FGD3: variants seen among roughly 807,000 people sequenced by gnomAD.
The protein encoded by FGD3 is FYVE, RhoGEF and PH domain-containing protein 3.
Under a neutral mutation model 71.8 loss-of-function variants are expected in FGD3, and 45 were observed. The ratio of observed to expected loss-of-function variants is 0.63; its 90% confidence interval spans 0.49 to 0.80. The LOEUF is 0.80. Ranked by LOEUF, FGD3 falls within the 30% of genes least tolerant of loss-of-function variation. FGD3 has a pLI of 0.00. For missense variants in FGD3, 844 were observed against 951.5 expected (o/e 0.89, Z 1.49); for synonymous variants, 378 against 392.8 (o/e 0.96, Z 0.44).
chr9:92,970,039 G>A (rs993665769), intron 1 of FGD3, among the ~76,000 whole-genome samples: 6 of 152,282 alleles, frequency 3.9e-5, no homozygotes, highest in African/African-American at 1.4e-4. Flanking sequence ...GCGGCTCAGG[G>A]CTTCTTAAAG....
At position 93,013,385 on chromosome 9, in the gene FGD3, A is replaced by G; in HGVS notation, c.1036-467A>G. On this transcript the variant is annotated intron_variant, in intron 8 of 17. Transcript: ENST00000375482. ...CTGGCGTCTGGCTCAGAGCTGAAGC[A>G]TGAGCTTTGACGCTGTCCCATCGCA... Among the ~76,000 whole-genome samples, 2 of 152,190 alleles carry G rather than the reference A, an allele frequency of 1.3e-5. 1 individual carries two copies. Among genetic ancestry groups the G allele is most frequent in the East Asian group, 3.9e-4 (2 of 5,188 alleles).
In FGD3 at chr9:93,015,955, A is replaced by G. The variant is rs1209692557; in HGVS notation, c.1275+126A>G. On this transcript the variant is annotated intron_variant, in intron 10 of 17. Transcript: ENST00000375482. Reference sequence around the variant, plus strand: ...GCCTGGCACCCCTACCTGCTTTTCCAAGCCATAGACCCTATCTGTGACCAA... The same window carrying G: ...GCCTGGCACCCCTACCTGCTTTTCCGAGCCATAGACCCTATCTGTGACCAA... The G allele has an allele frequency of 1.1e-5, 9 of 794,744 alleles. No homozygotes were observed. The African/African-American group carries it at 1.2e-4, about 11-fold the overall frequency. The allele number at this position is 794,744 out of a possible 1,614,324, so 49.2% of individuals were successfully genotyped here.
At chr9:92,987,156 T>C (rs1008601419) in intron 3 of FGD3, among the ~76,000 whole-genome samples, 1 of 152,048 alleles carries the variant, frequency 6.6e-6, no homozygotes, top group African/African-American at 2.4e-5. Flanking sequence ...GAGGAGGCTG[T>C]GTGCAGTGGC....
At chr9:92,982,873 G>T (rs1860049500) in intron 3 of FGD3, among the ~76,000 whole-genome samples, 1 of 151,874 alleles carries the variant, frequency 6.6e-6, no homozygotes, top group Non-Finnish European at 1.5e-5. Context: ...ATCACCTGAG[G>T]TCAGGAGTTC....
At chr9:93,031,035 T>C (rs938320896) in intron 15 of FGD3, among the ~76,000 whole-genome samples, 3 of 151,078 alleles carry the variant, frequency 2.0e-5, no homozygotes, top group Non-Finnish European at 3.0e-5. Flanking sequence ...GTTGGATGGA[T>C]GGATGAATGA....
rs148627611 is a variant in FGD3 at position 93,019,139 on chromosome 9, C to T, written c.1356-692C>T. 3.0e-3 allele frequency among the ~76,000 whole-genome samples: 456 copies of T among 152,268 alleles called. 1 individual carries two copies. Among genetic ancestry groups the T allele is most frequent in the African/African-American group, 0.011 (437 of 41,550 alleles). On this transcript the variant is annotated intron_variant, in intron 11 of 17. Transcript: ENST00000375482. ...TGCTGGGATTACAGGTGTGAGCCAC[C>T]GTGCCCAGCCCCTTCTAGGATTTTC...
At chr9:93,018,704 A>T (rs922742657) in intron 11 of FGD3, among the ~76,000 whole-genome samples, 2 of 152,196 alleles carry the variant, frequency 1.3e-5, no homozygotes, top group African/African-American at 4.8e-5. Context: ...TAAGACCAGA[A>T]GGGTCAATTT....
At chr9:93,022,947 C>T (rs1001643572) in intron 14 of FGD3, among the ~76,000 whole-genome samples, 3 of 152,124 alleles carry the variant, frequency 2.0e-5, no homozygotes, top group East Asian at 1.9e-4. Flanking sequence ...TGTGTCCACG[C>T]GCCCGCCTGC....
At chr9:93,026,240 G>A (rs1029314842) in intron 14 of FGD3, among the ~76,000 whole-genome samples, 2 of 152,286 alleles carry the variant, frequency 1.3e-5, no homozygotes, top group Non-Finnish European at 2.9e-5. Flanking sequence ...GAAGTCACTC[G>A]GTCAGATACT....
chr9:92,955,056 A>G (rs1859025483), intron 1 of FGD3, among the ~76,000 whole-genome samples: 1 of 152,066 alleles, frequency 6.6e-6, no homozygotes, highest in Non-Finnish European at 1.5e-5. Context: ...GTGGCCAAGG[A>G]GCAGAGGGAA....
Position 93,004,021 on chromosome 9 carries a change from G to A in FGD3, c.564G>A (p.Thr188=), listed in dbSNP as rs1389323889. 2.5e-6 allele frequency: 4 copies of A among 1,614,136 alleles called. No individual in the cohort carries two copies. Among genetic ancestry groups the A allele is most frequent in the African/African-American group, 1.3e-5 (1 of 75,032 alleles). The part of the protein sequence containing the change: ...LLDQVFCTRL[T]DAGIPPEVIM... ...CTCAGGTTTTCTGCACCAGGCTGAC[G>A]GATGCGGGGATCCCTCCAGAAGTCA... Residue 188 remains threonine, a synonymous_variant, in exon 5 of 18, where the codon ACG becomes ACA. Transcript: ENST00000375482.
intron 1 of FGD3, among the ~76,000 whole-genome samples, chr9:92,954,994 T>C (rs1012366972): frequency 6.6e-6 from 1 of 152,188 alleles, no homozygotes; most frequent in African/African-American, 2.4e-5. Flanking sequence ...GGTGTCTATG[T>C]GTCCGAGAGC....
Position 93,022,351 on chromosome 9 carries a change from C to T in FGD3, c.1519C>T (p.Pro507Ser), listed in dbSNP as rs1861953465. Residue 507 changes from proline to serine, a missense_variant, in exon 14 of 18, where the codon CCT becomes TCT. Physicochemically the swap from Pro to Ser is moderately conservative, Grantham distance 74. Coordinates refer to ENST00000375482, the MANE Select transcript of FGD3 (RefSeq NM_001083536.2). ...MPITSTSPVE[P>S]VVTTEGSSGA... ...GATCACGAGCACCAGCCCTGTGGAG[C>T]CTGTGGTGACCACCGAAGGCAGTTC... The T allele has an allele frequency of 1.2e-6, 2 of 1,612,500 alleles. No homozygotes were observed. Among genetic ancestry groups the T allele is most frequent in the East Asian group, 4.5e-5 (2 of 44,870 alleles).
intron 6 of FGD3, among the ~76,000 whole-genome samples, chr9:93,006,974 T>G (rs1200899106): frequency 6.6e-6 from 1 of 151,718 alleles, no homozygotes; most frequent in East Asian, 2.0e-4. Flanking sequence ...TGATCCGCCC[T>G]CCTTGGCCTC....
intron 8 of FGD3, 138 bp from the exon 9 acceptor site, chr9:93,013,713 GT>G: frequency 9.7e-7 from 1 of 1,035,426 alleles, no homozygotes; most frequent in Non-Finnish European, 1.4e-6. Context: ...ACATCACTCT[GT>G]TTTCCCTCCC....
intron 3 of FGD3, among the ~76,000 whole-genome samples, chr9:93,000,755 G>C (rs1046266738): frequency 2.0e-5 from 3 of 152,082 alleles, no homozygotes; most frequent in African/African-American, 4.8e-5. Flanking sequence ...ATTATAATAT[G>C]TCTTGGTATG....
At chr9:92,963,017 C>T (rs927695201) in intron 1 of FGD3, among the ~76,000 whole-genome samples, 10 of 152,176 alleles carry the variant, frequency 6.6e-5, no homozygotes, top group Non-Finnish European at 1.3e-4. Context: ...CGTCCGAGCT[C>T]AGGTGACACT....
At chr9:92,977,774 T>G (rs1005819628) in intron 3 of FGD3, among the ~76,000 whole-genome samples, 13 of 152,110 alleles carry the variant, frequency 8.5e-5, no homozygotes, top group African/African-American at 3.1e-4. Context: ...GAGACGGTAA[T>G]GTGGTTTCTG....
intron 13 of FGD3, among the ~76,000 whole-genome samples, chr9:93,021,036 A>G (rs1183751259): frequency 1.3e-5 from 2 of 152,142 alleles, no homozygotes; most frequent in East Asian, 3.8e-4. Flanking sequence ...CCCCACAGAA[A>G]CTGAGTCTGA....
Sources: gnomAD v4.1 joint callset for allele counts (sites outside exome capture counted in the v4.1 genomes callset) on GRCh38, gnomAD v4.1.1 for gene constraint, MANE v1.5 for transcripts, NCBI Gene and HGNC (gene_info 2026-07-23, HGNC 2026-07-21) for gene names.